MBNL2: variants seen among roughly 807,000 people sequenced by gnomAD.
MBNL2 encodes the protein muscleblind like splicing regulator 2, also known as muscleblind-like protein 2.
Under a neutral mutation model 41.9 loss-of-function variants are expected in MBNL2, and 17 were observed. The observed-to-expected ratio is 0.41, with a 90% CI of 0.28 to 0.61. The LOEUF (loss-of-function observed/expected upper bound fraction) is 0.61. Ranked by LOEUF, MBNL2 falls within the 20% of genes least tolerant of loss-of-function variation. The probability of loss-of-function intolerance (pLI) is 0.35; values close to 1 mark genes in which losing one functional copy is unlikely to be tolerated. For missense variants in MBNL2, 336 were observed against 505.6 expected (o/e 0.66, Z 3.22); for synonymous variants, 195 against 182.9 (o/e 1.07, Z -0.53).
At chr13:97,360,344 TC>T in intron 7 of MBNL2, among the ~76,000 whole-genome samples, 1 of 152,266 alleles carries the variant, frequency 6.6e-6, no homozygotes, top group South Asian at 2.1e-4. Flanking sequence ...GAGAGTCTTC[TC>T]CCAAACTATG....
chr13:97,269,928 T>A (rs926841053), intron 1 of MBNL2, among the ~76,000 whole-genome samples: 2 of 152,192 alleles, frequency 1.3e-5, no homozygotes, highest in Non-Finnish European at 2.9e-5. Context: ...TTAATACAGA[T>A]TGGTATAGTA....
intron 8 of MBNL2, among the ~76,000 whole-genome samples, chr13:97,385,333 T>C (rs1384562951): frequency 6.6e-6 from 1 of 152,196 alleles, no homozygotes; most frequent in Non-Finnish European, 1.5e-5. Flanking sequence ...TCAAGATGCA[T>C]TGAGATTCCT....
chr13:97,199,128 C>A, the MBNL2 span, among the ~76,000 whole-genome samples: 12 of 152,080 alleles, frequency 7.9e-5, no homozygotes, highest in Non-Finnish European at 1.5e-4. Flanking sequence ...TTCAAACATG[C>A]CCAGCCTCCT....
intron 1 of MBNL2, among the ~76,000 whole-genome samples, chr13:97,233,126 C>CATATAG (rs2042644413): frequency 2.5e-5 from 1 of 39,776 alleles, no homozygotes; most frequent in African/African-American, 9.7e-5. Context: ...GGCTCTTTTT[C>CATATAG]ATATATATAT....
chr13:97,256,013 G>C (rs746684317), intron 1 of MBNL2, among the ~76,000 whole-genome samples: 13 of 152,134 alleles, frequency 8.5e-5, no homozygotes, highest in South Asian at 2.1e-4. Flanking sequence ...AAATGACTCT[G>C]AAGCAAATTG....
At chr13:97,390,797 T>C (rs1346675031) in intron 8 of MBNL2, among the ~76,000 whole-genome samples, 1 of 152,204 alleles carries the variant, frequency 6.6e-6, no homozygotes, top group Non-Finnish European at 1.5e-5. Context: ...GTTGTCGTTA[T>C]GTGTTGGGAA....
At chr13:97,181,452 C>T in the MBNL2 span, among the ~76,000 whole-genome samples, 5 of 152,062 alleles carry the variant, frequency 3.3e-5, no homozygotes, top group Non-Finnish European at 7.4e-5. Flanking sequence ...TAGAATCAAA[C>T]TCAGAAACAT....
chr13:97,374,234 G>T (rs1566448908), intron 8 of MBNL2, among the ~76,000 whole-genome samples: 1 of 151,530 alleles, frequency 6.6e-6, no homozygotes, highest in Non-Finnish European at 1.5e-5. Context: ...TGCCAGCTCC[G>T]CCTCCCGGGT....
chr13:97,323,839 T>C (rs1009775943), intron 2 of MBNL2, among the ~76,000 whole-genome samples: 3 of 152,306 alleles, frequency 2.0e-5, no homozygotes. Context: ...ATGAGATGTG[T>C]TGATACAGAC....
At chr13:97,167,063 A>G in the MBNL2 span, among the ~76,000 whole-genome samples, 38 of 152,338 alleles carry the variant, frequency 2.5e-4, no homozygotes, top group African/African-American at 8.9e-4. Flanking sequence ...TGCCTTGAAT[A>G]TTACAGAGCA....
intron 8 of MBNL2, among the ~76,000 whole-genome samples, chr13:97,387,126 C>T (rs567040912): frequency 3.3e-5 from 5 of 151,366 alleles, no homozygotes; most frequent in Non-Finnish European, 7.4e-5. Context: ...AATTTAACTT[C>T]CTTCTCCTGT....
chr13:97,172,209 A>G, the MBNL2 span, among the ~76,000 whole-genome samples: 1 of 152,108 alleles, frequency 6.6e-6, no homozygotes, highest in Admixed American at 6.6e-5. Context: ...GTGCTTAAGG[A>G]GCTCTGTTCA....
chr13:97,204,441 A>G, the MBNL2 span, among the ~76,000 whole-genome samples: 4 of 152,250 alleles, frequency 2.6e-5, no homozygotes, highest in African/African-American at 7.2e-5. Flanking sequence ...AAAGAAGACA[A>G]TTTTGTCATT....
chr13:97,222,464 G>T lies in MBNL2; in HGVS notation c.-672G>T. ...TCTCATGATGCGGTGGAGAAGCCTC[G>T]GCCACTTGGTTCTGCCAGATGTTCC... On this transcript the variant is annotated 5_prime_UTR_variant, in exon 1 of 9. Coordinates refer to ENST00000679496, the MANE Select transcript of MBNL2 (RefSeq NM_001382683.1). 2.5e-6 allele frequency: 1 copy of T among 398,552 alleles called. No individual in the cohort carries two copies. Among genetic ancestry groups the T allele is most frequent in the East Asian group, 3.6e-5 (1 of 28,076 alleles). The allele number at this position is 398,552 out of a possible 1,614,324, so 24.7% of individuals were successfully genotyped here.
intron 2 of MBNL2, among the ~76,000 whole-genome samples, chr13:97,300,360 C>A (rs1039924758): frequency 1.3e-5 from 2 of 152,164 alleles, no homozygotes; most frequent in African/African-American, 4.8e-5. Flanking sequence ...GCATCCCCAA[C>A]GTTTTTGGCA....
At chr13:97,224,628 C>CAA (rs538498133) in intron 1 of MBNL2, among the ~76,000 whole-genome samples, 8,382 of 107,130 alleles carry the variant, frequency 0.078, 252 homozygotes, top group South Asian at 0.12. Flanking sequence ...GACCTTTTAC[C>CAA]AAAAAAAAAA....
intron 2 of MBNL2, among the ~76,000 whole-genome samples, chr13:97,311,388 A>T (rs572492138): frequency 2.0e-5 from 3 of 152,210 alleles, no homozygotes; most frequent in Admixed American, 2.0e-4. Context: ...GAGTCTTCAA[A>T]CATGGTGGTA....
intron 2 of MBNL2, among the ~76,000 whole-genome samples, chr13:97,311,414 T>C (rs1464664948): frequency 6.6e-6 from 1 of 152,238 alleles, no homozygotes; most frequent in Non-Finnish European, 1.5e-5. Flanking sequence ...GGTAGAGTGA[T>C]GCTTTTAAGC....
intron 1 of MBNL2, among the ~76,000 whole-genome samples, chr13:97,251,834 C>CTTTTTTTTTTTT (rs869034692): frequency 2.9e-5 from 2 of 69,578 alleles, no homozygotes; most frequent in African/African-American, 5.6e-5. Context: ...ATCCTCAATT[C>CTTTTTTTTTTTT]TTTTTTTTTT....
Sources: gnomAD v4.1 joint callset for allele counts (sites outside exome capture counted in the v4.1 genomes callset) on GRCh38, gnomAD v4.1.1 for gene constraint, MANE v1.5 for transcripts, NCBI Gene and HGNC (gene_info 2026-07-23, HGNC 2026-07-21) for gene names.